Variants in EXOC4 observed in about 807,000 individuals in gnomAD.
The protein encoded by EXOC4 is SEC8-like 1.
Under a neutral mutation model 107.2 loss-of-function variants are expected in EXOC4, and 71 were observed. The ratio of observed to expected loss-of-function variants is 0.66; its 90% CI spans 0.55 to 0.81. The LOEUF is 0.81. Among genes scored for constraint, EXOC4 ranks in the 30% least tolerant of loss-of-function variants. The pLI, the probability that EXOC4 is intolerant of heterozygous loss-of-function variation, is 0.00. For missense variants in EXOC4, 1,108 were observed against 1,189.6 expected, an observed-to-expected ratio of 0.93 and a Z score of 1.01; for synonymous variants, 456 against 441.2, an observed-to-expected ratio of 1.03 and a Z score of -0.42.
At chr7:133,784,107 G>A (rs989346038) in intron 10 of EXOC4, among the ~76,000 whole-genome samples, 4 of 152,044 alleles carry the variant, frequency 2.6e-5, no homozygotes, top group Admixed American at 6.5e-5. Context: ...TAAAAATGCC[G>A]CTTAATTTTT....
intron 9 of EXOC4, among the ~76,000 whole-genome samples, chr7:133,549,343 A>T (rs976413511): frequency 1.3e-5 from 2 of 152,206 alleles, no homozygotes; most frequent in Non-Finnish European, 2.9e-5. Context: ...TTGAACACTT[A>T]GAGGCCATTG....
chr7:134,080,449 C>A, the EXOC4 span, among the ~76,000 whole-genome samples: 9 of 151,410 alleles, frequency 5.9e-5, no homozygotes, highest in Non-Finnish European at 1.5e-5. Flanking sequence ...CTTGAGGGAT[C>A]TGGTGTAACC....
At position 133,895,692 on chromosome 7, in the gene EXOC4, G is replaced by T. The variant is rs201852656; in HGVS notation, c.1828G>T (p.Val610Leu). 6.2e-7 allele frequency: 1 copy of T among 1,614,106 alleles called. No homozygotes were observed. The highest frequency in any genetic ancestry group is 2.2e-5 in the East Asian group (1 of 44,888). The change falls in exon 12 of 18, where the codon GTG becomes TTG. Residue 610 changes from valine to leucine, a missense_variant. Transcript: ENST00000253861. ...AGATCAATTCCTCAACATGGTGTGCGTGAAGCTCCAGGAGTACAAGGACAC... is the reference window on the plus strand; with the variant it reads ...AGATCAATTCCTCAACATGGTGTGCTTGAAGCTCCAGGAGTACAAGGACAC... ...YSDQFLNMVC[V>L]KLQEYKDTCT...
intron 9 of EXOC4, among the ~76,000 whole-genome samples, chr7:133,517,826 T>C (rs1322509816): frequency 6.6e-6 from 1 of 152,180 alleles, no homozygotes; most frequent in Non-Finnish European, 1.5e-5. Context: ...CTCTAACTTA[T>C]TTTGGACTCA....
intron 9 of EXOC4, among the ~76,000 whole-genome samples, chr7:133,593,374 AATC>A (rs1801594151): frequency 1.3e-5 from 2 of 152,204 alleles, no homozygotes; most frequent in Non-Finnish European, 2.9e-5. Context: ...TAACTCCAGT[AATC>A]CTTACCCAGC....
chr7:133,951,101 C>T (rs553056854), intron 14 of EXOC4, among the ~76,000 whole-genome samples: 1 of 152,334 alleles, frequency 6.6e-6, no homozygotes, highest in East Asian at 1.9e-4. Context: ...CCAGAAACTC[C>T]TCCCACCAGC....
chr7:133,870,723 A>G (rs1048926749), intron 11 of EXOC4, among the ~76,000 whole-genome samples: 1 of 152,200 alleles, frequency 6.6e-6, no homozygotes, highest in South Asian at 2.1e-4. Flanking sequence ...CTCATGGCCT[A>G]TAGCCTGGTA....
intron 12 of EXOC4, among the ~76,000 whole-genome samples, 155 bp from the exon 13 acceptor site, chr7:133,917,428 A>G (rs1225490490): frequency 2.0e-5 from 3 of 152,260 alleles, no homozygotes; most frequent in Non-Finnish European, 2.9e-5. Flanking sequence ...AATGTGACCT[A>G]TTAATGGGTA....
chr7:133,936,898 C>A (rs1281340631), intron 13 of EXOC4, among the ~76,000 whole-genome samples: 2 of 152,104 alleles, frequency 1.3e-5, no homozygotes, highest in Non-Finnish European at 2.9e-5. Context: ...TGAGCTCAGG[C>A]AATCCACCTG....
intron 9 of EXOC4, among the ~76,000 whole-genome samples, chr7:133,571,449 C>T (rs1158628081): frequency 3.9e-5 from 6 of 152,194 alleles, no homozygotes; most frequent in African/African-American, 1.2e-4. Flanking sequence ...CTGAGGCAGG[C>T]GGATCACCTG....
intron 7 of EXOC4, among the ~76,000 whole-genome samples, chr7:133,409,409 C>G (rs1797305538): frequency 6.6e-6 from 1 of 152,198 alleles, no homozygotes; most frequent in Admixed American, 6.5e-5. Flanking sequence ...CCTCCATCTT[C>G]TCAAAGCAAT....
intron 10 of EXOC4, among the ~76,000 whole-genome samples, chr7:133,740,190 A>G (rs2151127673): frequency 6.6e-6 from 1 of 152,286 alleles, no homozygotes; most frequent in East Asian, 1.9e-4. Flanking sequence ...ATGAAATAAA[A>G]TTCTACTGAG....
At chr7:133,898,028 C>A (rs1799359633) in intron 12 of EXOC4, among the ~76,000 whole-genome samples, 1 of 151,450 alleles carries the variant, frequency 6.6e-6, no homozygotes, top group African/African-American at 2.4e-5. Context: ...CCCCAGCCCC[C>A]AGCCTCCAGC....
intron 17 of EXOC4, among the ~76,000 whole-genome samples, chr7:134,011,947 A>AGGGAAAGAGCGTACC (rs1794776092): frequency 6.6e-6 from 1 of 152,126 alleles, no homozygotes; most frequent in Non-Finnish European, 1.5e-5. Context: ...GCAGCTATCT[A>AGGGAAAGAGCGTACC]GGGAAAGAGC....
intron 7 of EXOC4, among the ~76,000 whole-genome samples, chr7:133,406,081 T>C (rs1433236035): frequency 6.6e-6 from 1 of 152,226 alleles, no homozygotes; most frequent in Admixed American, 6.5e-5. Context: ...ATAACAAATA[T>C]GTGTATAGTG....
chr7:133,679,406 C>A (rs780461963), intron 10 of EXOC4, among the ~76,000 whole-genome samples: 5 of 152,160 alleles, frequency 3.3e-5, no homozygotes, highest in Admixed American at 6.5e-5. Flanking sequence ...TTACCTCCTC[C>A]CTCCATGATG....
At position 133,925,804 on chromosome 7, in the gene EXOC4, G is replaced by A. The variant is rs1030344305; in HGVS notation, c.2027+8066G>A. ...TGTAATCCCAGCACTTTGGGAAGCC[G>A]AGGCGAGTGGATCACAAGGTCAGGA... is the stretch of plus-strand genomic sequence containing the variant. On this transcript the variant is annotated intron_variant, in intron 13 of 17. Coordinates refer to ENST00000253861, the MANE Select transcript of EXOC4 (RefSeq NM_021807.4). Among the ~76,000 whole-genome samples the A allele has an allele frequency of 5.9e-5, 9 of 152,176 alleles. No homozygotes were observed. In the East Asian group the frequency reaches 7.7e-4, roughly 13 times the overall value.
chr7:133,726,230 T>G (rs1011432418), intron 10 of EXOC4, among the ~76,000 whole-genome samples: 4 of 152,226 alleles, frequency 2.6e-5, no homozygotes, highest in Non-Finnish European at 5.9e-5. Context: ...TACTTCAGTA[T>G]GTGGTAAAAC....
chr7:133,299,937 T>C (rs1025890933), intron 3 of EXOC4, among the ~76,000 whole-genome samples: 1 of 152,212 alleles, frequency 6.6e-6, no homozygotes, highest in Non-Finnish European at 1.5e-5. Context: ...CATTTGCTGT[T>C]AGCTCAACTA....
Sources: gnomAD v4.1 joint callset for allele counts (sites outside exome capture counted in the v4.1 genomes callset) on GRCh38, gnomAD v4.1.1 for gene constraint, MANE v1.5 for transcripts, NCBI Gene and HGNC (gene_info 2026-07-23, HGNC 2026-07-21) for gene names.